KDM5D: variants seen among roughly 807,000 people sequenced by gnomAD.
KDM5D encodes lysine demethylase 5D, also known as lysine-specific demethylase 5D.
In KDM5D, 25 loss-of-function variants were observed where a neutral mutation model predicts 31.9. That is an observed-to-expected ratio of 0.78 (90% CI 0.57 to 1.09). The LOEUF is 1.09. Among genes scored for constraint, KDM5D ranks in the 50% least tolerant of loss-of-function variants. The probability of loss-of-function intolerance (pLI) is 0.00; values close to 1 mark genes in which losing one functional copy is unlikely to be tolerated. For synonymous variants in KDM5D, 146 were observed against 122.3 expected (o/e 1.19, Z -1.28); for missense variants, 366 against 341.6 (o/e 1.07, Z -0.56).
rs755984781 is a variant in KDM5D at position 19,715,650 on chromosome Y, C to T, written c.2303G>A (p.Arg768Gln). 2.5e-6 allele frequency: 1 copy of T among 399,013 alleles called. No homozygotes were observed. Among genetic ancestry groups the T allele is most frequent in the Non-Finnish European group, 3.5e-6 (1 of 283,576 alleles). The part of the protein sequence containing the change: ...ESFDTWANKV[R>Q]VALEVEDGRK... ...GCCATCCTCCACCTCCAAGGCCACT[C>T]GCACTTTGTTGGCCCAGGTGTCAAA... The change falls in exon 17 of 27, where the codon CGA (arginine) becomes CAA (glutamine). Residue 768 changes from arginine (R) to glutamine (Q), a missense_variant. By Grantham distance (43) the Arg-to-Gln change is conservative (BLOSUM62 1). Transcript: ENST00000317961.
chrY:19,736,451 C>T (rs2045512119), intron 6 of KDM5D, among the ~76,000 whole-genome samples: 3 of 32,700 alleles, frequency 9.2e-5, no homozygotes, highest in Non-Finnish European at 2.2e-4. Context: ...CAGAGAGACA[C>T]AGTAACATAT....
chrY:19,744,571 C>T lies in KDM5D; in HGVS notation c.-19-18G>A. 2 of 343,336 alleles carry T rather than the reference C, an allele frequency of 5.8e-6. No individual in the cohort carries two copies. Among genetic ancestry groups the T allele is most frequent in the Non-Finnish European group, 8.3e-6 (2 of 241,388 alleles). 85.6% of individuals were successfully genotyped at this position (343,336 alleles called of 400,897 possible). Reference sequence around the variant, plus strand: ...ATGCTAAGCTGTAAAATAAGAATCACATTGTCTTTAATGACGCGCTGGTTC... The same window carrying T: ...ATGCTAAGCTGTAAAATAAGAATCATATTGTCTTTAATGACGCGCTGGTTC... On this transcript the variant is annotated intron_variant, in intron 1 of 26. Transcript: ENST00000317961.
chrY:19,719,885 C>G, intron 13 of KDM5D, among the ~76,000 whole-genome samples: 1 of 32,515 alleles, frequency 3.1e-5, no homozygotes, highest in Admixed American at 2.8e-4. Context: ...TTGGATGACA[C>G]GTTAAAAGTC....
Position 19,707,608 on chromosome Y carries a change from C to A in KDM5D, c.3538G>T (p.Val1180Leu), listed in dbSNP as rs1471932443. The A allele has an allele frequency of 3.8e-5, 15 of 394,652 alleles. No homozygotes were observed. The highest frequency in any genetic ancestry group is 6.5e-5 in the African/African-American group (1 of 15,468). ...TGCAGAACTCCCACCCCAGCTGGCA[C>A]CTGCCCACACACACAGATAGAAGTC... ...SPTSICVCGQ[V>L]PAGVGVLQCD... The change falls in exon 24 of 27, where the codon GTG (valine) becomes TTG (leucine). Residue 1180 changes from valine to leucine, a missense_variant. Transcript: ENST00000317961.
Position 19,715,420 on chromosome Y carries a change from C to A in KDM5D, c.2418G>T (p.Lys806Asn). 2.5e-6 allele frequency: 1 copy of A among 398,291 alleles called. No individual in the cohort carries two copies. The highest frequency in any genetic ancestry group is 3.0e-5 in the South Asian group (1 of 33,735). Residue 806 changes from lysine to asparagine, a missense_variant, in exon 18 of 27, where the codon AAG (lysine) becomes AAT (asparagine). Lys to Asn is a moderately conservative substitution (Grantham distance 94). Transcript: ENST00000317961. ...AAGCCTCCACCTCACTCAGGCAGTTCTTCAGTCGCTGAAGCAGCTCACTAT... is the reference window on the plus strand; with the variant it reads ...AAGCCTCCACCTCACTCAGGCAGTTATTCAGTCGCTGAAGCAGCTCACTAT... ...FPNSELLQRL[K>N]NCLSEVEACI...
At chrY:19,729,268 A>G in intron 11 of KDM5D, among the ~76,000 whole-genome samples, 1 of 33,800 alleles carries the variant, frequency 3.0e-5, no homozygotes, top group Admixed American at 2.7e-4. Flanking sequence ...TAAAACTAGC[A>G]TACAAAAGTT....
chrY:19,725,420 C>T, intron 11 of KDM5D, among the ~76,000 whole-genome samples: 1 of 33,300 alleles, frequency 3.0e-5, no homozygotes, highest in Non-Finnish European at 7.4e-5. Flanking sequence ...CATCAACAAC[C>T]ATCTGATATT....
intron 8 of KDM5D, 46 bp from the exon 9 acceptor site, chrY:19,732,788 T>C: frequency 3.8e-6 from 1 of 265,452 alleles, no homozygotes; most frequent in Non-Finnish European, 5.8e-6. Context: ...GCTTGTTCCC[T>C]GACACCTTAT....
At chrY:19,720,577 T>TA (rs745571343) in intron 13 of KDM5D, among the ~76,000 whole-genome samples, 218 of 33,337 alleles carry the variant, frequency 6.5e-3, no homozygotes, top group Admixed American at 0.017. Flanking sequence ...TCAGAAATAT[T>TA]AAGAGAAAAC....
chrY:19,732,022 T>C, intron 10 of KDM5D, 24 bp downstream of exon 10: 1 of 397,234 alleles, frequency 2.5e-6, no homozygotes, highest in Non-Finnish European at 3.5e-6. Flanking sequence ...AGAATCCCTA[T>C]AGTCCAGCCC....
chrY:19,722,768 A>G (rs2045403660), intron 11 of KDM5D, among the ~76,000 whole-genome samples: 1 of 32,794 alleles, frequency 3.0e-5, no homozygotes, highest in Non-Finnish European at 7.5e-5. Context: ...AGTAGGTGAA[A>G]AATCTCTACC....
chrY:19,706,306 G>T lies in KDM5D; in HGVS notation c.4309C>A (p.Arg1437=). ...CGCCGCCGTCGCCTCTCCAGAGCCC[G>T]GCTCCTTGTCCGACTCCCTTGATGT... ...FEHQGSRTRS[R]ALERRRRRQK... Residue 1437 remains arginine (R), a synonymous_variant, in exon 27 of 27, where the codon CGG becomes AGG. Coordinates refer to ENST00000317961, the MANE Select transcript of KDM5D (RefSeq NM_004653.5). 5.1e-6 allele frequency: 2 copies of T among 394,253 alleles called. No individual in the cohort carries two copies. The highest frequency in any genetic ancestry group is 7.1e-6 in the Non-Finnish European group (2 of 281,321).
chrY:19,724,233 A>G, intron 11 of KDM5D, among the ~76,000 whole-genome samples: 1 of 33,083 alleles, frequency 3.0e-5, no homozygotes, highest in Non-Finnish European at 7.5e-5. Context: ...ACGATCAGGA[A>G]AAATAACTAA....
intron 19 of KDM5D, 90 bp from the exon 20 acceptor site, chrY:19,709,899 G>A: frequency 2.8e-6 from 1 of 358,744 alleles, no homozygotes; most frequent in Non-Finnish European, 3.9e-6. Flanking sequence ...TCTCTTATAG[G>A]CATTTCCTAT....
chrY:19,732,746 C>T lies in KDM5D; in HGVS notation c.934-4G>A. 2 of 342,328 alleles carry T rather than the reference C, an allele frequency of 5.8e-6. No individual in the cohort carries two copies. The highest frequency in any genetic ancestry group is 4.0e-6 in the Non-Finnish European group (1 of 249,328). The allele number at this position is 342,328 out of a possible 400,897, so 85.4% of individuals were successfully genotyped here. On this transcript the variant is annotated splice_region_variant and splice_polypyrimidine_tract_variant and intron_variant, in intron 8 of 26. Transcript: ENST00000317961. ...CTTGGCAAATATATGAGTCAATCTA[C>T]CAAAAAAAAAAAAAAAGTAAAAAAT...
chrY:19,726,206 C>T, intron 11 of KDM5D, among the ~76,000 whole-genome samples: 2 of 33,540 alleles, frequency 6.0e-5, no homozygotes, highest in South Asian at 1.3e-3. Context: ...GGTATACACC[C>T]AGAGGATTAT....
At chrY:19,737,542 A>T (rs2045518668) in intron 6 of KDM5D, among the ~76,000 whole-genome samples, 2 of 33,991 alleles carry the variant, frequency 5.9e-5, no homozygotes, top group African/African-American at 1.1e-4. Context: ...TACACAAAAT[A>T]TTGTATTATG....
At position 19,739,559 on chromosome Y, in the gene KDM5D, T is replaced by C; in HGVS notation, c.626A>G (p.Tyr209Cys). The part of the protein sequence containing the change: ...QSVQPSKFSS[Y>C]SRRAKRLQPD... ...CTGTAGCCTTTTTGCCCGTCGACTG[T>C]AGCTGCTGAACTTTGAAGGCTGCAC... The change falls in exon 6 of 27, where the codon TAC (tyrosine) becomes TGC (cysteine). Residue 209 changes from tyrosine (Y) to cysteine (C), a missense_variant. Tyr to Cys is a radical substitution (Grantham distance 194). Coordinates refer to ENST00000317961, the MANE Select transcript of KDM5D (RefSeq NM_004653.5). 1 of 396,225 alleles carries C rather than the reference T, an allele frequency of 2.5e-6. No individual in the cohort carries two copies. The highest frequency in any genetic ancestry group is 3.5e-6 in the Non-Finnish European group (1 of 281,815).
At position 19,708,291 on chromosome Y, in the gene KDM5D, C is replaced by T. The variant is rs748855039; in HGVS notation, c.3214G>A (p.Ala1072Thr). The T allele has an allele frequency of 5.0e-6, 2 of 396,806 alleles. No homozygotes were observed. The highest frequency in any genetic ancestry group is 3.5e-6 in the Non-Finnish European group (1 of 282,179). ...VLTAHSWREKASKTFLKKNSC... is the reference protein window; with the variant it reads ...VLTAHSWREKTSKTFLKKNSC... Reference sequence around the variant, plus strand: ...TTCTTCTTGAGAAAGGTCTTGGAGGCCTTCTCTCTCCAGGAATGTGCTGTC... The same window carrying T: ...TTCTTCTTGAGAAAGGTCTTGGAGGTCTTCTCTCTCCAGGAATGTGCTGTC... Residue 1072 changes from alanine (A) to threonine (T), a missense_variant, in exon 22 of 27, where the codon GCC (alanine) becomes ACC (threonine). Coordinates refer to ENST00000317961, the MANE Select transcript of KDM5D (RefSeq NM_004653.5).
Sources: allele counts gnomAD v4.1 joint callset (sites outside exome capture counted in the v4.1 genomes callset), GRCh38; gene constraint gnomAD v4.1.1; transcripts MANE v1.5; gene names NCBI Gene and HGNC (gene_info 2026-07-23, HGNC 2026-07-21).